Variants in SAMTOR observed in about 807,000 individuals in gnomAD.
SAMTOR encodes UPF0532 protein C7orf60.
chr7:112,861,674 T>C, the SAMTOR span, among the ~76,000 whole-genome samples: 1 of 152,216 alleles, frequency 6.6e-6, no homozygotes, highest in Non-Finnish European at 1.5e-5. Context: ...TCTGCTATGC[T>C]TGAAAAATTC....
chr7:112,889,815 A>G, the SAMTOR span, among the ~76,000 whole-genome samples: 1 of 152,042 alleles, frequency 6.6e-6, no homozygotes, highest in African/African-American at 2.4e-5. Context: ...ACCACCCCCA[A>G]CCCCTGCTTA....
At chr7:112,848,925 T>C in the SAMTOR span, among the ~76,000 whole-genome samples, 3 of 152,102 alleles carry the variant, frequency 2.0e-5, no homozygotes, top group Admixed American at 2.0e-4. Context: ...GGTACACGCC[T>C]GTAATCCCCG....
At chr7:112,935,746 T>TGAAAA in the SAMTOR span, among the ~76,000 whole-genome samples, 8 of 152,304 alleles carry the variant, frequency 5.3e-5, no homozygotes, top group South Asian at 1.4e-3. Context: ...CGAAATGGAA[T>TGAAAA]GAAAAGTGTA....
the SAMTOR span, among the ~76,000 whole-genome samples, chr7:112,847,607 T>C: frequency 6.6e-6 from 1 of 152,068 alleles, no homozygotes; most frequent in South Asian, 2.1e-4. Flanking sequence ...GGAGAAACCC[T>C]GTCTCTACTA....
chr7:112,868,748 C>A, the SAMTOR span, among the ~76,000 whole-genome samples: 1 of 152,212 alleles, frequency 6.6e-6, no homozygotes, highest in Non-Finnish European at 1.5e-5. Context: ...AAAAGGCCCC[C>A]ACAGCCAGAA....
the SAMTOR span, among the ~76,000 whole-genome samples, chr7:112,893,841 G>C: frequency 6.6e-6 from 1 of 152,216 alleles, no homozygotes; most frequent in African/African-American, 2.4e-5. Context: ...GGCGGAGCTT[G>C]CAGTGAGCTG....
At chr7:112,822,717 A>C in the SAMTOR span, among the ~76,000 whole-genome samples, 2 of 152,146 alleles carry the variant, frequency 1.3e-5, no homozygotes, top group African/African-American at 4.8e-5. Flanking sequence ...TCACTTTAAC[A>C]TTTACAGTTA....
the SAMTOR span, among the ~76,000 whole-genome samples, chr7:112,922,200 C>T: frequency 1.3e-4 from 20 of 152,230 alleles, no homozygotes; most frequent in African/African-American, 4.1e-4. Flanking sequence ...GCGAGTGATC[C>T]GTCAGCCTCG....
chr7:112,839,035 C>T, the SAMTOR span, among the ~76,000 whole-genome samples: 68 of 151,920 alleles, frequency 4.5e-4, no homozygotes, highest in East Asian at 0.011. Flanking sequence ...CGTTCTCTCA[C>T]TAAAAGGAAC....
chr7:112,895,808 G>T, the SAMTOR span: 3 of 1,131,118 alleles, frequency 2.7e-6, no homozygotes, highest in South Asian at 5.9e-5. Context: ...GAAAAAATTG[G>T]CTTTTATTAA....
chr7:112,883,302 C>A, the SAMTOR span, among the ~76,000 whole-genome samples: 1 of 152,146 alleles, frequency 6.6e-6, no homozygotes, highest in Non-Finnish European at 1.5e-5. Context: ...CCTTTCCATC[C>A]TTCTTTCCTT....
chr7:112,834,284 T>C, the SAMTOR span, among the ~76,000 whole-genome samples: 1 of 152,342 alleles, frequency 6.6e-6, no homozygotes, highest in African/African-American at 2.4e-5. Flanking sequence ...GATCATTTTC[T>C]CTAAAAAGTT....
At chr7:112,865,743 TCA>T in the SAMTOR span, among the ~76,000 whole-genome samples, 2 of 146,684 alleles carry the variant, frequency 1.4e-5, no homozygotes, top group African/African-American at 5.0e-5. Flanking sequence ...CATATATATT[TCA>T]TATATACATA....
the SAMTOR span, among the ~76,000 whole-genome samples, chr7:112,869,496 C>A: frequency 6.6e-6 from 1 of 151,584 alleles, no homozygotes; most frequent in Non-Finnish European, 1.5e-5. Flanking sequence ...CATGAATACA[C>A]CCAGAAATGA....
the SAMTOR span, among the ~76,000 whole-genome samples, chr7:112,918,571 T>C: frequency 2.0e-5 from 3 of 152,170 alleles, no homozygotes; most frequent in Non-Finnish European, 2.9e-5. Context: ...AACATCATAA[T>C]GACGGGATCA....
the SAMTOR span, among the ~76,000 whole-genome samples, chr7:112,879,037 C>T: frequency 6.6e-6 from 1 of 151,802 alleles, no homozygotes; most frequent in African/African-American, 2.4e-5. Context: ...TTAAAAGTTT[C>T]TGGCTTGGAT....
At chr7:112,865,594 T>C in the SAMTOR span, among the ~76,000 whole-genome samples, 1 of 148,066 alleles carries the variant, frequency 6.8e-6, no homozygotes. Context: ...CATTCATATA[T>C]ATATATATTT....
the SAMTOR span, among the ~76,000 whole-genome samples, chr7:112,857,020 T>C: frequency 0.01 from 1,561 of 150,084 alleles, 31 homozygotes; most frequent in African/African-American, 0.036. Flanking sequence ...GTATTTAATA[T>C]ACAGAGTTTA....
chr7:112,920,127 A>C, the SAMTOR span, among the ~76,000 whole-genome samples: 1,337 of 152,148 alleles, frequency 8.8e-3, 11 homozygotes, highest in African/African-American at 0.028. Context: ...GATACCAAAG[A>C]CTGGCAGAGA....
Sources: gnomAD v4.1 joint callset for allele counts (sites outside exome capture counted in the v4.1 genomes callset) on GRCh38, gnomAD v4.1.1 for gene constraint, MANE v1.5 for transcripts, NCBI Gene and HGNC (gene_info 2026-07-23, HGNC 2026-07-21) for gene names.